Variants in IL34 observed in about 807,000 individuals in gnomAD.
The protein encoded by IL34 is interleukin 34, also known as interleukin-34.
Under a neutral mutation model 25.3 loss-of-function variants are expected in IL34, and 17 were observed. That is an observed-to-expected ratio of 0.67 (90% confidence interval 0.46 to 1.01). The LOEUF is 1.01. Among genes scored for constraint, IL34 ranks in the 50% least tolerant of loss-of-function variants. The pLI is 0.00. For missense variants in IL34, 368 were observed against 312.9 expected, an observed-to-expected ratio of 1.18 and a Z score of -1.33; for synonymous variants, 174 against 140.9, an observed-to-expected ratio of 1.23 and a Z score of -1.66.
intron 1 of IL34, among the ~76,000 whole-genome samples, chr16:70,619,620 T>C (rs1241182171): frequency 2.0e-5 from 3 of 151,324 alleles, no homozygotes; most frequent in Non-Finnish European, 4.4e-5. Context: ...GTAGCCTCCG[T>C]ATTGATTAAG....
chr16:70,622,444 G>A (rs969639311), intron 1 of IL34, among the ~76,000 whole-genome samples: 16 of 143,848 alleles, frequency 1.1e-4, no homozygotes, highest in Admixed American at 4.1e-4. Flanking sequence ...AGATTTCCAC[G>A]ATGGAAAGGA....
At chr16:70,610,185 G>A (rs1474386868) in intron 1 of IL34, among the ~76,000 whole-genome samples, 3 of 149,954 alleles carry the variant, frequency 2.0e-5, no homozygotes, top group African/African-American at 7.4e-5. Context: ...CTGGGCGAAA[G>A]AGCGAGACTC....
intron 1 of IL34, among the ~76,000 whole-genome samples, chr16:70,589,165 C>T (rs1383025249): frequency 1.3e-5 from 2 of 151,792 alleles, no homozygotes; most frequent in Non-Finnish European, 2.9e-5. Flanking sequence ...CCATTGCACT[C>T]CAGTCTGGGG....
At chr16:70,600,390 C>T (rs1319929673) in intron 1 of IL34, among the ~76,000 whole-genome samples, 1 of 152,116 alleles carries the variant, frequency 6.6e-6, no homozygotes, top group Non-Finnish European at 1.5e-5. Context: ...CTATGATTTC[C>T]ATAAAGGCAG....
chr16:70,642,574 G>A (rs1447615532), upstream of IL34, among the ~76,000 whole-genome samples: 2 of 152,104 alleles, frequency 1.3e-5, no homozygotes, highest in Non-Finnish European at 2.9e-5. Flanking sequence ...GGGATTACAG[G>A]CGTGAGCCAC....
At chr16:70,582,793 T>G (rs1352605943) in intron 1 of IL34, among the ~76,000 whole-genome samples, 5 of 152,236 alleles carry the variant, frequency 3.3e-5, no homozygotes, top group African/African-American at 1.2e-4. Context: ...TCTCTGCTGT[T>G]GACACAGGCA....
intron 1 of IL34, among the ~76,000 whole-genome samples, chr16:70,598,591 T>A (rs1175204474): frequency 6.6e-6 from 1 of 151,824 alleles, no homozygotes; most frequent in Non-Finnish European, 1.5e-5. Flanking sequence ...ATACAAAAAT[T>A]AGCCAGGCAT....
chr16:70,615,207 T>C (rs1486465270), intron 1 of IL34, among the ~76,000 whole-genome samples: 4 of 151,994 alleles, frequency 2.6e-5, no homozygotes, highest in African/African-American at 9.7e-5. Context: ...TTAACAAACA[T>C]CTTCTTTTAA....
At chr16:70,616,737 G>A (rs1477463327) in intron 1 of IL34, among the ~76,000 whole-genome samples, 1 of 152,140 alleles carries the variant, frequency 6.6e-6, no homozygotes, top group Non-Finnish European at 1.5e-5. Context: ...AAGGGTGGGG[G>A]AGATTACAAA....
intron 1 of IL34, among the ~76,000 whole-genome samples, chr16:70,590,451 C>T (rs1317272947): frequency 6.6e-6 from 1 of 152,120 alleles, no homozygotes; most frequent in African/African-American, 2.4e-5. Context: ...TGTGTACCTC[C>T]GACGCTGTGC....
intron 1 of IL34, among the ~76,000 whole-genome samples, chr16:70,585,015 T>A (rs1295877982): frequency 6.6e-6 from 1 of 152,124 alleles, no homozygotes; most frequent in African/African-American, 2.4e-5. Context: ...TAATTATTTT[T>A]AAGGTTAAGA....
chr16:70,590,120 TCATTACTCC>T (rs1270862554), intron 1 of IL34, among the ~76,000 whole-genome samples: 2 of 152,048 alleles, frequency 1.3e-5, no homozygotes, highest in African/African-American at 4.8e-5. Context: ...CCTGTGGAAG[TCATTACTCC>T]ATTCAGCAGA....
Position 70,654,640 on chromosome 16 carries a change from A to G in IL34, c.131A>G (p.Lys44Arg). The G allele has an allele frequency of 6.2e-7, 1 of 1,613,088 alleles. No homozygotes were observed. Among genetic ancestry groups the G allele is most frequent in the Non-Finnish European group, 8.5e-7 (1 of 1,179,264 alleles). Residue 44 changes from lysine (K) to arginine (R), a missense_variant, in exon 2 of 6, where the codon AAG (lysine) becomes AGG (arginine). Lys to Arg is a conservative substitution (Grantham distance 26, BLOSUM62 2). Coordinates refer to ENST00000288098, the MANE Select transcript of IL34 (RefSeq NM_001393494.1). ...ACTGTCACGGGTTTTCTGCGGGACA[A>G]GCTGCAGTACAGGAGCCGACTTCAG... is the stretch of plus-strand genomic sequence containing the variant. ...ECTVTGFLRD[K>R]LQYRSRLQYM... is the part of the protein sequence containing the mutation.
intron 1 of IL34, among the ~76,000 whole-genome samples, chr16:70,607,140 C>T (rs190335701): frequency 4.6e-4 from 70 of 151,760 alleles, no homozygotes; most frequent in African/African-American, 1.5e-3. Context: ...CTCGCTCAGT[C>T]GCCCAGGCTG....
At chr16:70,583,904 G>A (rs772557606) in intron 1 of IL34, among the ~76,000 whole-genome samples, 3 of 151,876 alleles carry the variant, frequency 2.0e-5, no homozygotes, top group Admixed American at 6.6e-5. Context: ...CACCCACCTC[G>A]ACCTCCCAAA....
intron 4 of IL34, among the ~76,000 whole-genome samples, chr16:70,658,070 A>G (rs1041680903): frequency 6.6e-6 from 1 of 151,948 alleles, no homozygotes; most frequent in African/African-American, 2.4e-5. Context: ...TCTCCACCAG[A>G]CCTCCTCAGG....
chr16:70,584,705 C>CTTT (rs1206651777), intron 1 of IL34, among the ~76,000 whole-genome samples: 4 of 149,330 alleles, frequency 2.7e-5, no homozygotes, highest in African/African-American at 7.6e-5. Context: ...CTCTCTCTCT[C>CTTT]TCTTTTTTTT....
At chr16:70,581,132 G>C (rs1194922249) in intron 1 of IL34, among the ~76,000 whole-genome samples, 1 of 152,012 alleles carries the variant, frequency 6.6e-6, no homozygotes, top group Non-Finnish European at 1.5e-5. Context: ...GGCTGGTCTC[G>C]AGCTCCTGAC....
intron 4 of IL34, 52 bp from the exon 5 acceptor site, chr16:70,659,566 C>T (rs1012233983): frequency 1.3e-6 from 2 of 1,557,722 alleles, no homozygotes; most frequent in Non-Finnish European, 1.7e-6. Context: ...CACGGCTCTC[C>T]TGGGGTGCGG....
Sources: allele counts gnomAD v4.1 joint callset (sites outside exome capture counted in the v4.1 genomes callset), GRCh38; gene constraint gnomAD v4.1.1; transcripts MANE v1.5; gene names NCBI Gene and HGNC (gene_info 2026-07-23, HGNC 2026-07-21).